VCAN: variants seen among roughly 807,000 people sequenced by gnomAD.
The protein encoded by VCAN is versican core protein.
In VCAN, 44 loss-of-function variants were observed where a neutral mutation model predicts 245.5. That is an observed-to-expected ratio of 0.18 (90% CI 0.14 to 0.23). The LOEUF (loss-of-function observed/expected upper bound fraction) is 0.23. Among genes scored for constraint, VCAN ranks in the 10% least tolerant of loss-of-function variants. VCAN has a pLI of 1.00. For missense variants in VCAN, 3,793 were observed against 4,057.9 expected (o/e 0.93, Z 1.77); for synonymous variants, 1,413 against 1,437.0 (o/e 0.98, Z 0.38).
intron 1 of VCAN, among the ~76,000 whole-genome samples, chr5:83,483,030 C>T (rs1290672805): frequency 6.6e-6 from 1 of 152,220 alleles, no homozygotes; most frequent in Non-Finnish European, 1.5e-5. Context: ...TTCCTTCTCA[C>T]CTTACACTTG....
rs370981772 is a variant in VCAN, at chr5:83,537,908, G to A, written c.4905G>A (p.Ser1635=). Residue 1635 remains serine, a synonymous_variant, in exon 8 of 15, where the codon TCG becomes TCA. Transcript: ENST00000265077. ...RQVVELSGSS[S]IPITEGSGEA... ...TTGTAGAGCTCTCAGGGAGTTCTTC[G>A]ATTCCAATTACAGAAGGCTCTGGAG... 1.2e-5 allele frequency: 20 copies of A among 1,613,758 alleles called. No homozygotes were observed. In the African/African-American group the frequency reaches 1.9e-4, roughly 15 times the overall value.
In VCAN at chr5:83,519,927, G is replaced by C. The variant is rs1338234504; in HGVS notation, c.1621G>C (p.Glu541Gln). Residue 541 changes from glutamate to glutamine, a missense_variant, in exon 7 of 15, where the codon GAA becomes CAA. Around this residue, in one of 5 missense-constraint regions of VCAN, gnomAD observed 3,182 missense variants for 3,250.3 expected, o/e 0.98. Coordinates refer to ENST00000265077, the MANE Select transcript of VCAN (RefSeq NM_004385.5). ...TEKKMVSTVSELVTTGHYGFT... is the reference protein window; with the variant it reads ...TEKKMVSTVSQLVTTGHYGFT... ...AAAGAAAATGGTAAGCACTGTTTCT[G>C]AATTGGTAACCACAGGTCACTATGG... 6.2e-7 allele frequency: 1 copy of C among 1,613,982 alleles called. No homozygotes were observed. The highest frequency in any genetic ancestry group is 8.5e-7 in the Non-Finnish European group (1 of 1,179,968).
chr5:83,537,310 G>C lies in VCAN; in HGVS notation c.4307G>C (p.Ser1436Thr). 1 of 1,613,996 alleles carries C rather than the reference G, an allele frequency of 6.2e-7. No homozygotes were observed. The highest frequency in any genetic ancestry group is 8.5e-7 in the Non-Finnish European group (1 of 1,179,958). The change falls in exon 8 of 15, where the codon AGT becomes ACT. Residue 1436 changes from serine to threonine, a missense_variant. By Grantham distance (58) the Ser-to-Thr change is moderately conservative. Around this residue, in one of 5 missense-constraint regions of VCAN, gnomAD observed 3,182 missense variants for 3,250.3 expected, o/e 0.98. Transcript: ENST00000265077. ...AAEARRGQFE[S>T]VAPSQNFSDS... ...GAAGCTAGGCGTGGCCAGTTTGAAA[G>C]TGTTGCACCTTCTCAGAATTTCTCG...
At chr5:83,514,147 A>G (rs994342408) in intron 6 of VCAN, among the ~76,000 whole-genome samples, 7 of 152,212 alleles carry the variant, frequency 4.6e-5, no homozygotes, top group African/African-American at 1.7e-4. Context: ...CACAAAATTC[A>G]AAAAATGTTT....
chr5:83,508,044 G>A (rs1745533204), intron 5 of VCAN, among the ~76,000 whole-genome samples: 1 of 152,166 alleles, frequency 6.6e-6, no homozygotes, highest in South Asian at 2.1e-4. Flanking sequence ...TTTAAGTAAT[G>A]AGCTCTTTCC....
At chr5:83,572,608 A>G (rs910479773) in intron 13 of VCAN, 48 bp downstream of exon 13, 18 of 1,609,678 alleles carry the variant, frequency 1.1e-5, no homozygotes, top group African/African-American at 4.0e-5. Flanking sequence ...CATTTCAATT[A>G]TAAAGATAAT....
chr5:83,505,497 G>A (rs1429107183), intron 5 of VCAN, among the ~76,000 whole-genome samples: 3 of 152,152 alleles, frequency 2.0e-5, no homozygotes, highest in South Asian at 2.1e-4. Context: ...CCCAGGTCAC[G>A]CTGATGCAAG....
intron 5 of VCAN, among the ~76,000 whole-genome samples, chr5:83,504,682 T>G (rs1745431135): frequency 6.6e-6 from 1 of 152,200 alleles, no homozygotes; most frequent in South Asian, 2.1e-4. Flanking sequence ...GCGCCCAGCC[T>G]GATGAATTCT....
intron 5 of VCAN, among the ~76,000 whole-genome samples, chr5:83,504,318 A>G (rs1745418036): frequency 6.6e-6 from 1 of 152,188 alleles, no homozygotes; most frequent in African/African-American, 2.4e-5. Flanking sequence ...TATTCATGAA[A>G]GGCTCTGTTG....
Position 83,512,260 on chromosome 5 carries a change from C to T in VCAN, c.906C>T (p.Ala302=). 1.9e-6 allele frequency: 3 copies of T among 1,614,176 alleles called. No individual in the cohort carries two copies. The highest frequency in any genetic ancestry group is 2.5e-6 in the Non-Finnish European group (3 of 1,180,034). The change falls in exon 6 of 15, where the codon GCC becomes GCT. Residue 302 remains alanine (A), a synonymous_variant. Transcript: ENST00000265077. Reference sequence around the variant, plus strand: ...GCGATTACGGGTGGCTGTCGGATGCCAGCGTGCGCCACCCTGTGACTGTGG... The same window carrying T: ...GCGATTACGGGTGGCTGTCGGATGCTAGCGTGCGCCACCCTGTGACTGTGG... The part of the protein sequence containing the change: ...DQCDYGWLSD[A]SVRHPVTVAR...
chr5:83,477,155 A>C lies in VCAN; in HGVS notation c.-7+5132A>C, dbSNP rs73146671. On this transcript the variant is annotated intron_variant, in intron 1 of 14. Coordinates refer to ENST00000265077, the MANE Select transcript of VCAN (RefSeq NM_004385.5). The stretch of plus-strand genomic sequence containing the variant: ...ATTAAATGAATATGCAGTTATAAAG[A>C]TCAAAAGAGTAAGTACTTTGAAAAA... 4.4e-3 allele frequency among the ~76,000 whole-genome samples: 663 copies of C among 152,258 alleles called. 4 individuals carry two copies. The highest frequency in any genetic ancestry group is 0.016 in the African/African-American group (645 of 41,558).
rs775159861 is a variant in VCAN, at chr5:83,541,584, C to T, written c.8581C>T (p.Pro2861Ser). ...GIDVGSSVMS[P>S]QDSFKEIHVN... ...AGACGTCGGCTCATCTGTAATGTCC[C>T]CACAGGATTCTTTTAAGGAAATTCA... Residue 2861 changes from proline (P) to serine (S), a missense_variant, in exon 8 of 15, where the codon CCA becomes TCA. Physicochemically the swap from Pro to Ser is moderately conservative, Grantham distance 74. Around this residue, in one of 5 missense-constraint regions of VCAN, gnomAD observed 3,182 missense variants for 3,250.3 expected, o/e 0.98. Coordinates refer to ENST00000265077, the MANE Select transcript of VCAN (RefSeq NM_004385.5). 8 of 1,613,840 alleles carry T rather than the reference C, an allele frequency of 5.0e-6. No individual in the cohort carries two copies. Among genetic ancestry groups the T allele is most frequent in the Non-Finnish European group, 6.8e-6 (8 of 1,179,982 alleles).
rs1439181539 is a variant in VCAN, at chr5:83,582,270, AC to A, written c.*1838del. On this transcript the variant is annotated 3_prime_UTR_variant, in exon 15 of 15. Transcript: ENST00000265077. ...AACTTTTTATATCTGCTTTTGTTTC[AC>A]CAAAGAAACCTAAAATCCTTCTTTT... 1 of 152,104 alleles carries A rather than the reference AC, an allele frequency of 6.6e-6. No individual in the cohort carries two copies. The highest frequency in any genetic ancestry group is 1.9e-4 in the East Asian group (1 of 5,194). The allele number at this position is 152,104 out of a possible 1,614,324, so 9.4% of individuals were successfully genotyped here.
chr5:83,576,387 T>C (rs575380676), intron 13 of VCAN, among the ~76,000 whole-genome samples: 2 of 152,202 alleles, frequency 1.3e-5, no homozygotes, highest in African/African-American at 4.8e-5. Flanking sequence ...TTCATGTTGA[T>C]GCATGTAATG....
In VCAN at chr5:83,573,879, G is replaced by A. The variant is rs185272879; in HGVS notation, c.9880+1319G>A. 1.1e-3 allele frequency among the ~76,000 whole-genome samples: 174 copies of A among 152,306 alleles called. 1 individual carries two copies. The highest frequency in any genetic ancestry group is 2.2e-3 in the Non-Finnish European group (148 of 68,018). ...ACCACCGCATATTCAGTCACTCAAA[G>A]AGCTGAGATCTTGAGAAATTTTATC... On this transcript the variant is annotated intron_variant, in intron 13 of 14. Transcript: ENST00000265077.
chr5:83,479,743 G>A (rs545016104), intron 1 of VCAN, among the ~76,000 whole-genome samples: 1 of 152,242 alleles, frequency 6.6e-6, no homozygotes, highest in South Asian at 2.1e-4. Context: ...ACCAAGGATA[G>A]GGACATAGCC....
intron 8 of VCAN, among the ~76,000 whole-genome samples, chr5:83,543,891 G>A (rs1325915755): frequency 6.6e-6 from 1 of 152,180 alleles, no homozygotes; most frequent in African/African-American, 2.4e-5. Context: ...ACTTTCAGAG[G>A]TTAATACGAA....
At chr5:83,503,235 A>C (rs981575470) in intron 5 of VCAN, among the ~76,000 whole-genome samples, 1 of 152,142 alleles carries the variant, frequency 6.6e-6, no homozygotes, top group African/African-American at 2.4e-5. Context: ...ATAGAGAGAG[A>C]GAGAGAAAAG....
chr5:83,547,968 C>T lies in VCAN; in HGVS notation c.9380-3C>T. ...TTTGTGAGCTTTTACTATTTTGTTT[C>T]AGATTTTGATGAATGTCACTCTAAT... On this transcript the variant is annotated splice_region_variant and splice_polypyrimidine_tract_variant and intron_variant, in intron 9 of 14. Transcript: ENST00000265077. 1 of 1,606,054 alleles carries T rather than the reference C, an allele frequency of 6.2e-7. No homozygotes were observed. The highest frequency in any genetic ancestry group is 1.3e-5 in the African/African-American group (1 of 74,826).
Sources: gnomAD v4.1 joint callset for allele counts (sites outside exome capture counted in the v4.1 genomes callset) on GRCh38, gnomAD v4.1.1 for gene constraint, gnomAD v4.1.1 regional missense constraint, MANE v1.5 for transcripts, NCBI Gene and HGNC (gene_info 2026-07-23, HGNC 2026-07-21) for gene names.